Variants in DLGAP2 observed in about 807,000 individuals in gnomAD.
DLGAP2 encodes DLG associated protein 2.
Under a neutral mutation model 100.3 loss-of-function variants are expected in DLGAP2, and 26 were observed. The observed-to-expected ratio is 0.26, with a 90% confidence interval of 0.19 to 0.36. The LOEUF (loss-of-function observed/expected upper bound fraction) is 0.36, where lower values mean the gene tolerates loss of function less well. Among genes scored for constraint, DLGAP2 ranks in the 10% least tolerant of loss-of-function variants. DLGAP2 has a pLI of 1.00. For missense variants in DLGAP2, 1,858 were observed against 1,453.2 expected, an observed-to-expected ratio of 1.28 and a Z score of -4.53; for synonymous variants, 886 against 630.1, an observed-to-expected ratio of 1.41 and a Z score of -6.08.
At chr8:1,658,759 G>A (rs771965309) in intron 8 of DLGAP2, among the ~76,000 whole-genome samples, 5 of 151,970 alleles carry the variant, frequency 3.3e-5, no homozygotes, top group South Asian at 2.1e-4. Context: ...TCTGGCTACC[G>A]GTCCATGTAT....
At chr8:1,622,863 G>T (rs1170338410) in intron 6 of DLGAP2, among the ~76,000 whole-genome samples, 1 of 152,166 alleles carries the variant, frequency 6.6e-6, no homozygotes, top group African/African-American at 2.4e-5. Flanking sequence ...GATGTAGGAG[G>T]GGGATTTTCA....
At chr8:1,287,132 G>A (rs1323042503) in intron 3 of DLGAP2, among the ~76,000 whole-genome samples, 8 of 27,606 alleles carry the variant, frequency 2.9e-4, no homozygotes, top group African/African-American at 8.9e-4. Context: ...TCGGTTCAGC[G>A]TGTGTGTGTG....
intron 1 of DLGAP2, among the ~76,000 whole-genome samples, chr8:842,504 A>G (rs1473271749): frequency 6.6e-6 from 1 of 152,178 alleles, no homozygotes; most frequent in Non-Finnish European, 1.5e-5. Flanking sequence ...ATTGCTCAGT[A>G]ACGGTATTAT....
chr8:1,690,391 C>T (rs753612926), intron 12 of DLGAP2, among the ~76,000 whole-genome samples: 6 of 151,746 alleles, frequency 4.0e-5, no homozygotes, highest in Non-Finnish European at 8.8e-5. Context: ...TAAACACACA[C>T]ACATACAGTA....
chr8:948,437 C>T (rs1008943910), intron 2 of DLGAP2, among the ~76,000 whole-genome samples: 1 of 152,200 alleles, frequency 6.6e-6, no homozygotes, highest in African/African-American at 2.4e-5. Context: ...CATGCCTTCC[C>T]CTTCCTTCCT....
chr8:1,533,513 A>G (rs756049057), intron 4 of DLGAP2, among the ~76,000 whole-genome samples: 5 of 152,134 alleles, frequency 3.3e-5, no homozygotes, highest in African/African-American at 4.8e-5. Flanking sequence ...CTCCAAAAAA[A>G]AAAAGAATGT....
intron 2 of DLGAP2, among the ~76,000 whole-genome samples, chr8:914,272 C>G (rs555684529): frequency 1.3e-5 from 2 of 152,374 alleles, no homozygotes; most frequent in African/African-American, 2.4e-5. Context: ...TGACCCGCCT[C>G]TAATGACCCA....
intron 2 of DLGAP2, among the ~76,000 whole-genome samples, chr8:1,026,086 C>A (rs1413299492): frequency 1.3e-5 from 2 of 152,210 alleles, no homozygotes; most frequent in Non-Finnish European, 1.5e-5. Context: ...TTCCAGGAGC[C>A]CTGGCAGAAA....
chr8:1,000,945 C>G (rs781000354), intron 2 of DLGAP2, among the ~76,000 whole-genome samples: 5 of 152,112 alleles, frequency 3.3e-5, no homozygotes, highest in Admixed American at 6.5e-5. Context: ...AGGTGAAACT[C>G]CCCTCCAGGG....
At chr8:1,086,671 A>G (rs550550039) in intron 2 of DLGAP2, among the ~76,000 whole-genome samples, 1 of 152,318 alleles carries the variant, frequency 6.6e-6, no homozygotes, top group East Asian at 1.9e-4. Flanking sequence ...GAAGGACATT[A>G]TATAATGATA....
intron 1 of DLGAP2, among the ~76,000 whole-genome samples, chr8:758,358 C>T (rs575006580): frequency 1.3e-5 from 2 of 152,152 alleles, no homozygotes; most frequent in South Asian, 4.2e-4. Flanking sequence ...CCTGTTATTG[C>T]TTATCAGGTT....
chr8:1,309,795 A>C (rs1800571332), intron 3 of DLGAP2, among the ~76,000 whole-genome samples: 1 of 152,232 alleles, frequency 6.6e-6, no homozygotes, highest in Non-Finnish European at 1.5e-5. Context: ...TCAATGTGTA[A>C]AGGTGAAACC....
Position 1,488,115 on chromosome 8 carries a change from C to A in DLGAP2, c.107-13251C>A, listed in dbSNP as rs532813464. Among the ~76,000 whole-genome samples the A allele has an allele frequency of 2.6e-5, 4 of 152,304 alleles. No individual in the cohort carries two copies. In the South Asian group the frequency reaches 8.3e-4, roughly 32 times the overall value. ...ATTCTTCAGGATTTCTTGACAAGCCCACTCAGGGCAGAGCCTCCGTTGAAC... is the reference window on the plus strand; with the variant it reads ...ATTCTTCAGGATTTCTTGACAAGCCAACTCAGGGCAGAGCCTCCGTTGAAC... On this transcript the variant is annotated intron_variant, in intron 3 of 14. Coordinates refer to ENST00000637795, the MANE Select transcript of DLGAP2 (RefSeq NM_001346810.2).
intron 2 of DLGAP2, among the ~76,000 whole-genome samples, chr8:1,012,011 C>T (rs1458434054): frequency 6.6e-6 from 1 of 152,222 alleles, no homozygotes; most frequent in East Asian, 1.9e-4. Context: ...AGTCCAGGGG[C>T]ATGGCTTTCA....
intron 2 of DLGAP2, among the ~76,000 whole-genome samples, chr8:1,231,248 C>T (rs1798528871): frequency 6.6e-6 from 1 of 152,204 alleles, no homozygotes; most frequent in South Asian, 2.1e-4. Flanking sequence ...TGCTCCATAT[C>T]TCTAATTGTT....
In DLGAP2 at chr8:1,062,487, C is replaced by T. The variant is rs532354019; in HGVS notation, c.73+154521C>T. On this transcript the variant is annotated intron_variant, in intron 2 of 14. Coordinates refer to ENST00000637795, the MANE Select transcript of DLGAP2 (RefSeq NM_001346810.2). ...AGACGGAGTGGCAGGAGGCTCTCCT[C>T]GGTAAGTCAAGGATGACTCATTTCT... Among the ~76,000 whole-genome samples the T allele has an allele frequency of 3.3e-4, 50 of 152,276 alleles. 2 individuals are homozygous for T. Among genetic ancestry groups the T allele is most frequent in the Admixed American group, 1.8e-3 (28 of 15,298 alleles).
chr8:855,599 C>T lies in DLGAP2; in HGVS notation c.19-52313C>T, dbSNP rs528413438. ...GTAAAACTGGTGCTGTAAGTTCCCA[C>T]GTAAGCTTCAGGTGCCTGAGAGTGA... On this transcript the variant is annotated intron_variant, in intron 1 of 14. Coordinates refer to ENST00000637795, the MANE Select transcript of DLGAP2 (RefSeq NM_001346810.2). Among the ~76,000 whole-genome samples, 46 of 152,242 alleles carry T rather than the reference C, an allele frequency of 3.0e-4. No homozygotes were observed. The South Asian group carries it at 6.4e-3, about 21-fold the overall frequency.
intron 2 of DLGAP2, among the ~76,000 whole-genome samples, chr8:1,092,992 G>A (rs1204479638): frequency 2.6e-5 from 4 of 152,314 alleles, no homozygotes; most frequent in Admixed American, 1.3e-4. Flanking sequence ...CTGCGGGTCC[G>A]AAATCCCCAG....
chr8:1,140,170 C>G (rs549981656), intron 2 of DLGAP2, among the ~76,000 whole-genome samples: 11 of 152,286 alleles, frequency 7.2e-5, no homozygotes, highest in African/African-American at 2.6e-4. Context: ...AGGCCCATGT[C>G]GTAGCGGGGA....
Sources: gnomAD v4.1 joint callset for allele counts (sites outside exome capture counted in the v4.1 genomes callset) on GRCh38, gnomAD v4.1.1 for gene constraint, MANE v1.5 for transcripts, NCBI Gene and HGNC (gene_info 2026-07-23, HGNC 2026-07-21) for gene names.